SLC35D4: variants seen among roughly 807,000 people sequenced by gnomAD.
The protein encoded by SLC35D4 is UDP-N-acetylglucosamine transporter SLC35D4.
the SLC35D4 span, among the ~76,000 whole-genome samples, chr18:23,351,795 T>A: frequency 1.3e-5 from 2 of 152,220 alleles, no homozygotes; most frequent in Non-Finnish European, 2.9e-5. Flanking sequence ...CCCATAGTCA[T>A]TCGGATACAC....
chr18:23,275,098 G>GT, the SLC35D4 span, among the ~76,000 whole-genome samples: 2 of 151,422 alleles, frequency 1.3e-5, no homozygotes, highest in African/African-American at 2.4e-5. Context: ...GTGCGTGCTT[G>GT]TGTGTTTTTG....
At chr18:23,310,990 G>C in the SLC35D4 span, among the ~76,000 whole-genome samples, 64,019 of 152,014 alleles carry the variant, frequency 0.42, 14,789 homozygotes, top group Admixed American at 0.55. Flanking sequence ...GAATACAAAG[G>C]ATAGGGAAAG....
chr18:23,255,602 C>T, the SLC35D4 span, among the ~76,000 whole-genome samples: 1 of 150,610 alleles, frequency 6.6e-6, no homozygotes, highest in South Asian at 2.1e-4. Context: ...CTCTGTCACC[C>T]AGACTGGAGT....
At chr18:23,334,716 G>A in the SLC35D4 span, among the ~76,000 whole-genome samples, 2 of 152,068 alleles carry the variant, frequency 1.3e-5, no homozygotes, top group Non-Finnish European at 2.9e-5. Flanking sequence ...GGGAAAAGGG[G>A]CCGGCCGGGC....
At chr18:23,292,471 C>T in the SLC35D4 span, among the ~76,000 whole-genome samples, 1 of 152,324 alleles carries the variant, frequency 6.6e-6, no homozygotes, top group African/African-American at 2.4e-5. Context: ...GGGAAGGCAG[C>T]TGCAGTGCAG....
At chr18:23,246,613 G>A in the SLC35D4 span, among the ~76,000 whole-genome samples, 52 of 151,800 alleles carry the variant, frequency 3.4e-4, no homozygotes, top group East Asian at 9.7e-4. Flanking sequence ...GGATGGTCTC[G>A]ATCTCCTGAC....
chr18:23,350,476 C>G, the SLC35D4 span, among the ~76,000 whole-genome samples: 1 of 152,188 alleles, frequency 6.6e-6, no homozygotes. Context: ...CACAGCTCCT[C>G]TGTGTGTGTA....
the SLC35D4 span, among the ~76,000 whole-genome samples, chr18:23,361,424 G>C: frequency 6.6e-6 from 1 of 152,110 alleles, no homozygotes; most frequent in Admixed American, 6.6e-5. Flanking sequence ...TGAATGAATC[G>C]GCAGGAATTG....
chr18:23,427,702 A>G, the SLC35D4 span, among the ~76,000 whole-genome samples: 1 of 152,260 alleles, frequency 6.6e-6, no homozygotes, highest in Non-Finnish European at 1.5e-5. Context: ...TCACGCTGCT[A>G]TAAAGACACA....
At chr18:23,390,824 T>C in the SLC35D4 span, among the ~76,000 whole-genome samples, 54 of 152,352 alleles carry the variant, frequency 3.5e-4, no homozygotes, top group Admixed American at 3.5e-3. Flanking sequence ...AATATGCAGA[T>C]GTGTCCTTAA....
chr18:23,280,826 G>A, the SLC35D4 span, among the ~76,000 whole-genome samples: 1 of 152,152 alleles, frequency 6.6e-6, no homozygotes, highest in Non-Finnish European at 1.5e-5. Flanking sequence ...CAGGTTTCTG[G>A]AAGAGTGTTG....
At chr18:23,393,105 C>T in the SLC35D4 span, among the ~76,000 whole-genome samples, 6 of 151,892 alleles carry the variant, frequency 4.0e-5, no homozygotes, top group Non-Finnish European at 7.4e-5. Context: ...TTAATAGAGA[C>T]GGGGTTTCAC....
At chr18:23,379,917 G>A in the SLC35D4 span, among the ~76,000 whole-genome samples, 10 of 152,158 alleles carry the variant, frequency 6.6e-5, no homozygotes, top group East Asian at 1.9e-4. Flanking sequence ...ACAACATGGC[G>A]AAACCCCGTC....
At chr18:23,307,695 T>A in the SLC35D4 span, among the ~76,000 whole-genome samples, 1 of 152,228 alleles carries the variant, frequency 6.6e-6, no homozygotes, top group African/African-American at 2.4e-5. Flanking sequence ...TGTGCATCCC[T>A]GTGTTACTCA....
the SLC35D4 span, among the ~76,000 whole-genome samples, chr18:23,305,394 TCTAGCAGGTTACAGGGCTTTGTA>T: frequency 3.9e-5 from 6 of 152,240 alleles, no homozygotes; most frequent in Non-Finnish European, 1.5e-5. Context: ...TCAATTCAGT[TCTAGCAGGTTACAGGGCTTTGTA>T]CACACAGACC....
the SLC35D4 span, chr18:23,385,127 T>C: frequency 1.3e-6 from 2 of 1,509,310 alleles, no homozygotes; most frequent in Admixed American, 3.8e-5. Context: ...AATCATATGG[T>C]TCTTGATTTT....
chr18:23,386,043 G>T, the SLC35D4 span, among the ~76,000 whole-genome samples: 1 of 146,034 alleles, frequency 6.8e-6, no homozygotes, highest in Non-Finnish European at 1.5e-5. Flanking sequence ...TGAGGCAGGA[G>T]AATGGCATGA....
At chr18:23,250,748 G>T in the SLC35D4 span, among the ~76,000 whole-genome samples, 1 of 152,210 alleles carries the variant, frequency 6.6e-6, no homozygotes, top group Non-Finnish European at 1.5e-5. Flanking sequence ...TCCTGATTGG[G>T]CCAGAAAGAC....
chr18:23,414,494 G>A, the SLC35D4 span, among the ~76,000 whole-genome samples: 7 of 151,774 alleles, frequency 4.6e-5, no homozygotes, highest in East Asian at 3.9e-4. Flanking sequence ...CCAACATGGC[G>A]AAATCTCGTC....
Sources: allele counts gnomAD v4.1 joint callset (sites outside exome capture counted in the v4.1 genomes callset), GRCh38; gene constraint gnomAD v4.1.1; transcripts MANE v1.5; gene names NCBI Gene and HGNC (gene_info 2026-07-23, HGNC 2026-07-21).